FBXL17: variants seen among roughly 807,000 people sequenced by gnomAD.
FBXL17 encodes the protein F-box and leucine rich repeat protein 17.
In FBXL17, 22 loss-of-function variants were observed where a neutral mutation model predicts 66.2. The observed-to-expected ratio is 0.33, with a 90% confidence interval of 0.24 to 0.47. The LOEUF (loss-of-function observed/expected upper bound fraction) is 0.47, where lower values mean the gene tolerates loss of function less well. Ranked by LOEUF, FBXL17 falls within the 20% of genes least tolerant of loss-of-function variation. The probability of loss-of-function intolerance (pLI) is 1.00; values close to 1 mark genes in which losing one functional copy is unlikely to be tolerated. For missense variants in FBXL17, 878 were observed against 948.2 expected, an observed-to-expected ratio of 0.93 and a Z score of 0.97; for synonymous variants, 474 against 400.5, an observed-to-expected ratio of 1.18 and a Z score of -2.19.
At chr5:108,350,477 T>G (rs116309369) in intron 3 of FBXL17, among the ~76,000 whole-genome samples, 63 of 152,256 alleles carry the variant, frequency 4.1e-4, no homozygotes, top group African/African-American at 1.5e-3. Flanking sequence ...TGAAAGGATA[T>G]CAACTTCCAG....
chr5:108,264,645 G>C (rs2150129985), intron 4 of FBXL17, among the ~76,000 whole-genome samples: 1 of 152,178 alleles, frequency 6.6e-6, no homozygotes, highest in Middle Eastern at 3.4e-3. Flanking sequence ...GAAGTATTCA[G>C]AATTTTCATC....
chr5:108,337,356 T>C (rs1760436380), intron 4 of FBXL17, among the ~76,000 whole-genome samples: 1 of 152,070 alleles, frequency 6.6e-6, no homozygotes, highest in Admixed American at 6.5e-5. Context: ...AATTTACAAT[T>C]CATACACTGA....
intron 7 of FBXL17, among the ~76,000 whole-genome samples, chr5:107,887,452 G>A (rs779305526): frequency 2.0e-5 from 3 of 152,104 alleles, no homozygotes; most frequent in African/African-American, 4.8e-5. Context: ...ATGGATCTAT[G>A]TACCTGTAAT....
At chr5:108,272,650 G>A (rs1561499902) in intron 4 of FBXL17, among the ~76,000 whole-genome samples, 5 of 151,944 alleles carry the variant, frequency 3.3e-5, no homozygotes, top group Admixed American at 6.5e-5. Context: ...TACCACACCC[G>A]GCCATTAGCT....
chr5:108,306,169 A>T (rs958438365), intron 4 of FBXL17, among the ~76,000 whole-genome samples: 1 of 151,260 alleles, frequency 6.6e-6, no homozygotes, highest in African/African-American at 2.5e-5. Flanking sequence ...TTGAAAAAAC[A>T]TATGTGTACT....
intron 1 of FBXL17, among the ~76,000 whole-genome samples, chr5:108,376,060 C>A (rs1470250309): frequency 6.6e-6 from 1 of 152,144 alleles, no homozygotes; most frequent in Admixed American, 6.5e-5. Flanking sequence ...GGAAAAAGCA[C>A]TGGACAAAAT....
intron 6 of FBXL17, among the ~76,000 whole-genome samples, chr5:108,118,578 CA>C (rs1465102515): frequency 2.0e-5 from 3 of 152,190 alleles, no homozygotes; most frequent in African/African-American, 7.2e-5. Flanking sequence ...TGGACCTTTG[CA>C]ATCTTCTCTG....
At chr5:108,211,909 T>A (rs1259008744) in intron 5 of FBXL17, among the ~76,000 whole-genome samples, 1 of 152,212 alleles carries the variant, frequency 6.6e-6, no homozygotes, top group Non-Finnish European at 1.5e-5. Context: ...CTGGATAATA[T>A]CCTGAAGAGT....
At chr5:107,934,544 C>T (rs1171235263) in intron 7 of FBXL17, among the ~76,000 whole-genome samples, 7 of 152,162 alleles carry the variant, frequency 4.6e-5, no homozygotes, top group Non-Finnish European at 1.0e-4. Flanking sequence ...ACACTCCCAA[C>T]TTTAAAGGTT....
chr5:108,375,236 G>A (rs773042544), intron 1 of FBXL17, among the ~76,000 whole-genome samples: 4 of 151,986 alleles, frequency 2.6e-5, no homozygotes, highest in Non-Finnish European at 5.9e-5. Flanking sequence ...GCATGCCTGT[G>A]CACCCAGCTA....
intron 6 of FBXL17, among the ~76,000 whole-genome samples, chr5:108,082,519 C>T (rs2149920493): frequency 6.6e-6 from 1 of 152,276 alleles, no homozygotes; most frequent in African/African-American, 2.4e-5. Flanking sequence ...AAGCAGCCAC[C>T]TGACATGCTG....
At chr5:108,229,551 T>C (rs1755238702) in intron 4 of FBXL17, among the ~76,000 whole-genome samples, 2 of 152,148 alleles carry the variant, frequency 1.3e-5, no homozygotes, top group African/African-American at 4.8e-5. Context: ...TCTCTCACCT[T>C]ATACAAAAAT....
At chr5:108,257,390 G>T (rs1256182485) in intron 4 of FBXL17, among the ~76,000 whole-genome samples, 1 of 152,100 alleles carries the variant, frequency 6.6e-6, no homozygotes, top group Non-Finnish European at 1.5e-5. Context: ...CATCCACCAT[G>T]ATGAAACACA....
chr5:107,986,123 C>T (rs981457190), intron 7 of FBXL17, among the ~76,000 whole-genome samples: 2 of 152,014 alleles, frequency 1.3e-5, no homozygotes, highest in African/African-American at 4.8e-5. Flanking sequence ...ATCTACTCTA[C>T]ACAGCCAACC....
chr5:107,980,696 G>T (rs1019990738), intron 7 of FBXL17, among the ~76,000 whole-genome samples: 4 of 86,826 alleles, frequency 4.6e-5, no homozygotes, highest in African/African-American at 1.2e-4. Flanking sequence ...TTGCTCTGTC[G>T]CCCAGGCTGG....
At chr5:108,100,347 T>C (rs1193898970) in intron 6 of FBXL17, among the ~76,000 whole-genome samples, 2 of 152,174 alleles carry the variant, frequency 1.3e-5, no homozygotes, top group Non-Finnish European at 2.9e-5. Flanking sequence ...GGGAATAGTA[T>C]AAGAATGTGC....
chr5:107,959,381 A>AACACACACAC (rs57041975), intron 7 of FBXL17, among the ~76,000 whole-genome samples: 1,979 of 147,964 alleles, frequency 0.013, 20 homozygotes, highest in African/African-American at 0.026. Context: ...GGCTGCTATA[A>AACACACACAC]ACACACACAC....
intron 7 of FBXL17, among the ~76,000 whole-genome samples, chr5:108,020,587 T>C (rs141674055): frequency 2.6e-5 from 4 of 151,974 alleles, no homozygotes; most frequent in Non-Finnish European, 5.9e-5. Flanking sequence ...ATAATTTTCT[T>C]AGTTATATTT....
intron 3 of FBXL17, among the ~76,000 whole-genome samples, chr5:108,352,544 T>A (rs1373303510): frequency 2.0e-5 from 3 of 152,226 alleles, no homozygotes; most frequent in Non-Finnish European, 4.4e-5. Context: ...GGAGTTTCGC[T>A]CTTTCGCCCA....
Sources: gnomAD v4.1 joint callset for allele counts (sites outside exome capture counted in the v4.1 genomes callset) on GRCh38, gnomAD v4.1.1 for gene constraint, MANE v1.5 for transcripts, NCBI Gene and HGNC (gene_info 2026-07-23, HGNC 2026-07-21) for gene names.